The following LCLAT1 variants were observed in gnomAD, a reference collection of about 807,000 sequenced individuals.
LCLAT1 encodes 1-AGP acyltransferase 8.
A neutral mutation model predicts 30.7 loss-of-function variants in LCLAT1; 11 were observed. The observed-to-expected ratio is 0.36, with a 90% confidence interval of 0.23 to 0.59. LCLAT1 has a LOEUF of 0.59. LCLAT1 is among the 20% of genes least tolerant of loss of function. The probability of loss-of-function intolerance (pLI) is 0.77; values close to 1 mark genes in which losing one functional copy is unlikely to be tolerated. For missense variants in LCLAT1, 402 were observed against 458.6 expected (o/e 0.88, Z 1.13); for synonymous variants, 155 against 151.3 (o/e 1.02, Z -0.18).
rs148591461 is a variant in LCLAT1 at position 30,590,198 on chromosome 2, G to A, written c.628+22022G>A. ...GGAAAGGCCTTCATTTTAAATAAAC[G>A]CCTAGTGATTTGAGAACATTTGTGA... On this transcript the variant is annotated intron_variant, in intron 5 of 5. Coordinates refer to ENST00000379509, the MANE Select transcript of LCLAT1 (RefSeq NM_001002257.3). Among the ~76,000 whole-genome samples the A allele has an allele frequency of 1.6e-3, 249 of 152,074 alleles. 1 individual carries two copies. Among genetic ancestry groups the A allele is most frequent in the African/African-American group, 5.6e-3 (231 of 41,520 alleles).
chr2:30,534,892 T>C (rs1242503623), intron 3 of LCLAT1, among the ~76,000 whole-genome samples: 2 of 152,112 alleles, frequency 1.3e-5, no homozygotes, highest in Non-Finnish European at 2.9e-5. Context: ...AGAGGACTGA[T>C]AAATAAAAGA....
intron 1 of LCLAT1, among the ~76,000 whole-genome samples, chr2:30,484,498 A>G (rs1032170011): frequency 3.9e-5 from 6 of 152,182 alleles, no homozygotes; most frequent in African/African-American, 1.2e-4. Flanking sequence ...CAGTTTCATT[A>G]TAACTTCCTG....
Position 30,640,267 on chromosome 2 carries a change from A to T in LCLAT1, c.779A>T (p.Glu260Val). 6.2e-7 allele frequency: 1 copy of T among 1,614,210 alleles called. No homozygotes were observed. Among genetic ancestry groups the T allele is most frequent in the South Asian group, 1.1e-5 (1 of 91,082 alleles). ...YPIDTLPTSK[E>V]DLQLWCHKRW... ...ATAGACACCCTCCCCACATCCAAGG[A>T]GGACCTTCAACTCTGGTGCCACAAA... The change falls in exon 6 of 6, where the codon GAG becomes GTG. Residue 260 changes from glutamate (E) to valine (V), a missense_variant. Glu to Val is a moderately radical substitution (Grantham distance 121). Coordinates refer to ENST00000379509, the MANE Select transcript of LCLAT1 (RefSeq NM_001002257.3).
At chr2:30,464,819 C>T (rs542827450) in intron 1 of LCLAT1, among the ~76,000 whole-genome samples, 49 of 152,228 alleles carry the variant, frequency 3.2e-4, no homozygotes, top group African/African-American at 1.2e-3. Flanking sequence ...GTATCTAATT[C>T]CTGACGAAAA....
chr2:30,450,406 G>C (rs1558444104), intron 1 of LCLAT1, among the ~76,000 whole-genome samples: 1 of 144,604 alleles, frequency 6.9e-6, no homozygotes, highest in Non-Finnish European at 1.5e-5. Context: ...TGAACTCTTA[G>C]CTAAGAGAGT....
intron 1 of LCLAT1, among the ~76,000 whole-genome samples, chr2:30,476,197 C>G (rs1457806352): frequency 6.6e-6 from 1 of 152,206 alleles, no homozygotes; most frequent in Non-Finnish European, 1.5e-5. Context: ...AGACAGTTTA[C>G]TTTGTCATTT....
intron 5 of LCLAT1, among the ~76,000 whole-genome samples, chr2:30,638,018 T>C (rs912565721): frequency 1.3e-5 from 2 of 152,198 alleles, no homozygotes; most frequent in African/African-American, 2.4e-5. Flanking sequence ...TGAAGGGCTG[T>C]CATTTCAACT....
chr2:30,615,614 A>C (rs545990109), intron 5 of LCLAT1, among the ~76,000 whole-genome samples: 11 of 152,266 alleles, frequency 7.2e-5, no homozygotes, highest in Admixed American at 6.5e-4. Flanking sequence ...CTTCCACCAA[A>C]ACTTGTGCCT....
chr2:30,608,782 A>C (rs1455910892), intron 5 of LCLAT1, among the ~76,000 whole-genome samples: 1 of 152,120 alleles, frequency 6.6e-6, no homozygotes, highest in Non-Finnish European at 1.5e-5. Flanking sequence ...TTGCCTAAAG[A>C]CACATCTCTC....
chr2:30,503,991 G>A (rs1350294228), intron 1 of LCLAT1, among the ~76,000 whole-genome samples: 1 of 152,164 alleles, frequency 6.6e-6, no homozygotes, highest in Non-Finnish European at 1.5e-5. Context: ...CAGGAGATGT[G>A]AGGTCTTAGC....
At chr2:30,569,741 C>T (rs1025924191) in intron 5 of LCLAT1, among the ~76,000 whole-genome samples, 1 of 152,230 alleles carries the variant, frequency 6.6e-6, no homozygotes, top group African/African-American at 2.4e-5. Flanking sequence ...GGTTCACAAT[C>T]AATTCAAAAT....
chr2:30,569,831 C>T lies in LCLAT1; in HGVS notation c.628+1655C>T, dbSNP rs796610306. ...AATTCCGTGATTACAACTAATATAA[C>T]ATGGACTTGTGGACTTGATATTCAT... On this transcript the variant is annotated intron_variant, in intron 5 of 5. Coordinates refer to ENST00000379509, the MANE Select transcript of LCLAT1 (RefSeq NM_001002257.3). Among the ~76,000 whole-genome samples the T allele has an allele frequency of 2.6e-5, 4 of 152,276 alleles. No individual in the cohort carries two copies. The East Asian group carries it at 5.8e-4, about 22-fold the overall frequency.
intron 5 of LCLAT1, among the ~76,000 whole-genome samples, chr2:30,617,118 A>G (rs937016615): frequency 6.6e-6 from 1 of 152,170 alleles, no homozygotes; most frequent in African/African-American, 2.4e-5. Context: ...ATAGAGCCAC[A>G]TATCTACCCA....
Position 30,640,753 on chromosome 2 carries a change from G to A in LCLAT1, c.*134G>A, listed in dbSNP as rs1321981412. 8.6e-7 allele frequency: 1 copy of A among 1,158,160 alleles called. No individual in the cohort carries two copies. The highest frequency in any genetic ancestry group is 2.6e-5 in the East Asian group (1 of 38,904). The allele number at this position is 1,158,160 out of a possible 1,614,324, so 71.7% of individuals were successfully genotyped here. A position where few individuals can be genotyped will look rare whatever the true frequency, so the allele number is the denominator to read the frequency against. ...CATCATTATTTGTTAAAGATATTTT[G>A]CACTTAATTTTGTGGGAAAAATATT... is the stretch of plus-strand genomic sequence containing the variant. On this transcript the variant is annotated 3_prime_UTR_variant, in exon 6 of 6. Coordinates refer to ENST00000379509, the MANE Select transcript of LCLAT1 (RefSeq NM_001002257.3).
chr2:30,541,165 A>G (rs918014483), intron 3 of LCLAT1, among the ~76,000 whole-genome samples: 1 of 152,126 alleles, frequency 6.6e-6, no homozygotes, highest in Non-Finnish European at 1.5e-5. Context: ...ATACAGTCAA[A>G]CTGATTAATC....
At chr2:30,470,366 G>A (rs985576112) in intron 1 of LCLAT1, among the ~76,000 whole-genome samples, 7 of 152,202 alleles carry the variant, frequency 4.6e-5, no homozygotes, top group African/African-American at 1.4e-4. Context: ...CTATGCTTAA[G>A]TCTTAGCAGA....
intron 5 of LCLAT1, among the ~76,000 whole-genome samples, chr2:30,602,664 C>G (rs1336673905): frequency 6.6e-6 from 1 of 151,930 alleles, no homozygotes; most frequent in African/African-American, 2.4e-5. Context: ...TTTTTTTCTT[C>G]CTCTCTATAT....
chr2:30,570,099 A>G (rs988644284), intron 5 of LCLAT1, among the ~76,000 whole-genome samples: 12 of 152,186 alleles, frequency 7.9e-5, no homozygotes, highest in Admixed American at 6.5e-4. Context: ...AGAACAATCT[A>G]TAGAGCTCTC....
chr2:30,522,635 A>T (rs1042196350), intron 1 of LCLAT1, among the ~76,000 whole-genome samples: 17 of 152,208 alleles, frequency 1.1e-4, no homozygotes, highest in Non-Finnish European at 1.9e-4. Flanking sequence ...ATATCTTTGT[A>T]TGTTTATTGA....
Sources: allele counts gnomAD v4.1 joint callset (sites outside exome capture counted in the v4.1 genomes callset), GRCh38; gene constraint gnomAD v4.1.1; transcripts MANE v1.5; gene names NCBI Gene and HGNC (gene_info 2026-07-23, HGNC 2026-07-21).